USP8: variants seen among roughly 807,000 people sequenced by gnomAD.
USP8 encodes the protein ubiquitin specific peptidase 8.
A neutral mutation model predicts 130.0 loss-of-function variants in USP8; 27 were observed. That is an observed-to-expected ratio of 0.21 (90% confidence interval 0.15 to 0.29). The LOEUF (loss-of-function observed/expected upper bound fraction) is 0.29, where lower values mean the gene tolerates loss of function less well. USP8 is among the 10% of genes least tolerant of loss of function. The pLI, the probability that USP8 is intolerant of heterozygous loss-of-function variation, is 1.00. For missense variants in USP8, 1,029 were observed against 1,312.2 expected, an observed-to-expected ratio of 0.78 and a Z score of 3.33; for synonymous variants, 392 against 444.1, an observed-to-expected ratio of 0.88 and a Z score of 1.48.
chr15:50,451,102 G>A (rs1267805541), intron 4 of USP8, among the ~76,000 whole-genome samples: 6 of 151,900 alleles, frequency 3.9e-5, no homozygotes, highest in Non-Finnish European at 8.8e-5. Context: ...AATGTATCAT[G>A]TTACTTGTAT....
Position 50,512,992 on chromosome 15 carries a change from T to A in USP8, c.*13904T>A, listed in dbSNP as rs1375494807. The A allele has an allele frequency of 6.6e-6, 1 of 152,168 alleles. No homozygotes were observed. The highest frequency in any genetic ancestry group is 6.6e-5 in the Admixed American group (1 of 15,264). 9.4% of individuals were successfully genotyped at this position (152,168 alleles called of 1,614,324 possible). A position where few individuals can be genotyped will look rare whatever the true frequency, so the allele number is the denominator to read the frequency against. ...GATCTAGAACATGTAAATGACTCTT[T>A]CCAATCAATAAGAAGAAAAATAACC... On this transcript the variant is annotated 3_prime_UTR_variant, in exon 20 of 20. Transcript: ENST00000307179.
At chr15:50,450,121 C>G (rs182458685) in intron 4 of USP8, among the ~76,000 whole-genome samples, 1 of 151,288 alleles carries the variant, frequency 6.6e-6, no homozygotes. Flanking sequence ...TCTCGAGCTC[C>G]TGACCTCAAG....
At position 50,512,152 on chromosome 15, in the gene USP8, G is replaced by C. The variant is rs772860957; in HGVS notation, c.*13064G>C. The C allele has an allele frequency of 6.6e-6, 1 of 151,894 alleles. No individual in the cohort carries two copies. Among genetic ancestry groups the C allele is most frequent in the Non-Finnish European group, 1.5e-5 (1 of 68,014 alleles). 9.4% of individuals were successfully genotyped at this position (151,894 alleles called of 1,614,324 possible). A position where few individuals can be genotyped will look rare whatever the true frequency, so the allele number is the denominator to read the frequency against. On this transcript the variant is annotated 3_prime_UTR_variant, in exon 20 of 20. Coordinates refer to ENST00000307179, the MANE Select transcript of USP8 (RefSeq NM_005154.5). ...ACTTGAGGTCAGGAGTTCAAGACCA[G>C]CCTGGTCAACATGGTGAAACCCCAC...
In USP8 at chr15:50,495,834, C is replaced by T. The variant is rs373631699; in HGVS notation, c.2659-14C>T. ...TGAGATATTAATATAGAGCTTAAAT[C>T]ATTTTATTTCCAGGCTGATAATCGG... On this transcript the variant is annotated splice_polypyrimidine_tract_variant and intron_variant, in intron 16 of 19. Coordinates refer to ENST00000307179, the MANE Select transcript of USP8 (RefSeq NM_005154.5). 2 of 1,587,208 alleles carry T rather than the reference C, an allele frequency of 1.3e-6. No individual in the cohort carries two copies. The highest frequency in any genetic ancestry group is 1.7e-5 in the Admixed American group (1 of 58,656).
At chr15:50,464,448 CTTTATTTTATGTTGG>C (rs1315846505) in intron 6 of USP8, among the ~76,000 whole-genome samples, 4 of 152,176 alleles carry the variant, frequency 2.6e-5, no homozygotes, top group African/African-American at 7.2e-5. Context: ...TATTAATGTT[CTTTATTTTATGTTGG>C]TAACAGAGTC....
intron 16 of USP8, among the ~76,000 whole-genome samples, chr15:50,494,831 A>G (rs1468608911): frequency 6.6e-6 from 1 of 152,148 alleles, no homozygotes; most frequent in African/African-American, 2.4e-5. Flanking sequence ...CCTGGCCAAC[A>G]TGGCAAAACC....
intron 12 of USP8, 170 bp from the exon 13 acceptor site, chr15:50,489,626 AAAAAG>A (rs151043474): frequency 0.051 from 17,754 of 350,728 alleles, 563 homozygotes; most frequent in African/African-American, 0.1. Context: ...GTACTTTGAG[AAAAAG>A]ATAATTTTTT....
intron 3 of USP8, among the ~76,000 whole-genome samples, chr15:50,446,852 A>T (rs996956585): frequency 1.3e-5 from 2 of 151,978 alleles, no homozygotes; most frequent in African/African-American, 2.4e-5. Context: ...TAAAGCCTTG[A>T]CCTCCTGGGT....
chr15:50,476,530 A>G (rs1461963698), intron 8 of USP8, among the ~76,000 whole-genome samples: 3 of 152,218 alleles, frequency 2.0e-5, no homozygotes, highest in Non-Finnish European at 4.4e-5. Context: ...TAAAGGTTTT[A>G]TTGAAAACTC....
At chr15:50,448,766 C>T (rs1444286202) in intron 3 of USP8, among the ~76,000 whole-genome samples, 11 of 152,004 alleles carry the variant, frequency 7.2e-5, no homozygotes, top group African/African-American at 2.7e-4. Context: ...GTGATGTGCC[C>T]GCCTCGGCCT....
At chr15:50,493,939 CAAAT>C (rs759865075) in intron 15 of USP8, 127 bp from the exon 16 acceptor site, 28 of 1,082,272 alleles carry the variant, frequency 2.6e-5, no homozygotes, top group South Asian at 1.8e-4. Flanking sequence ...GGTGAGCCTG[CAAAT>C]AAATAAGTAG....
intron 10 of USP8, among the ~76,000 whole-genome samples, chr15:50,479,303 A>C (rs2051681964): frequency 1.3e-5 from 2 of 152,180 alleles, no homozygotes; most frequent in South Asian, 4.1e-4. Flanking sequence ...AGAAGAAACA[A>C]GTAGAAAATT....
At chr15:50,467,307 A>G (rs1255611439) in intron 7 of USP8, among the ~76,000 whole-genome samples, 3 of 152,210 alleles carry the variant, frequency 2.0e-5, no homozygotes, top group Non-Finnish European at 4.4e-5. Flanking sequence ...GATTTGGACT[A>G]CTATGAAACT....
chr15:50,486,054 G>A (rs1213234177), intron 12 of USP8, among the ~76,000 whole-genome samples: 1 of 151,954 alleles, frequency 6.6e-6, no homozygotes. Flanking sequence ...GAATACAGAG[G>A]ACTGACTCCA....
At chr15:50,496,397 C>T (rs780038197) in intron 17 of USP8, among the ~76,000 whole-genome samples, 8 of 149,192 alleles carry the variant, frequency 5.4e-5, no homozygotes, top group South Asian at 2.1e-4. Context: ...AGGAGAATGG[C>T]GTGAACCCTG....
At chr15:50,430,901 G>A (rs1253648157) in intron 1 of USP8, among the ~76,000 whole-genome samples, 4 of 152,132 alleles carry the variant, frequency 2.6e-5, no homozygotes, top group East Asian at 1.9e-4. Flanking sequence ...GGCAATGACT[G>A]TAGACAGTTT....
chr15:50,459,502 T>C (rs2141278358), intron 5 of USP8, among the ~76,000 whole-genome samples: 1 of 152,178 alleles, frequency 6.6e-6, no homozygotes, highest in Non-Finnish European at 1.5e-5. Context: ...GAGAATTGCT[T>C]GAACCCAGGA....
chr15:50,439,818 AATAAT>A (rs2050194907), intron 2 of USP8, among the ~76,000 whole-genome samples: 1 of 137,566 alleles, frequency 7.3e-6, no homozygotes, highest in Non-Finnish European at 1.5e-5. Flanking sequence ...TAATAATAAT[AATAAT>A]AATAATTTTT....
intron 4 of USP8, among the ~76,000 whole-genome samples, chr15:50,451,654 T>A (rs1397621911): frequency 6.6e-6 from 1 of 152,204 alleles, no homozygotes; most frequent in Non-Finnish European, 1.5e-5. Context: ...TCTCCCTGTC[T>A]GTCCTCTCCC....
Sources: allele counts gnomAD v4.1 joint callset (sites outside exome capture counted in the v4.1 genomes callset), GRCh38; gene constraint gnomAD v4.1.1; transcripts MANE v1.5; gene names NCBI Gene and HGNC (gene_info 2026-07-23, HGNC 2026-07-21).